Variants in USP39 observed in about 807,000 individuals in gnomAD.
USP39 encodes ubiquitin specific peptidase 39, also known as ubiquitin carboxyl-terminal hydrolase 39.
Under a neutral mutation model 66.4 loss-of-function variants are expected in USP39, and 38 were observed. The ratio of observed to expected loss-of-function variants is 0.57; its 90% confidence interval spans 0.44 to 0.75. The LOEUF (loss-of-function observed/expected upper bound fraction) is 0.75, where lower values mean the gene tolerates loss of function less well. USP39 is among the 30% of genes least tolerant of loss of function. The pLI, the probability that USP39 is intolerant of heterozygous loss-of-function variation, is 0.00. For missense variants in USP39, 608 were observed against 714.4 expected (o/e 0.85, Z 1.70); for synonymous variants, 303 against 274.6 (o/e 1.10, Z -1.02).
rs1558846192 is a variant in USP39, at chr2:85,616,470, G to A, written c.268+7G>A. 6.6e-7 allele frequency: 1 copy of A among 1,518,800 alleles called. No homozygotes were observed. The highest frequency in any genetic ancestry group is 2.5e-5 in the East Asian group (1 of 39,910). The allele number at this position is 1,518,800 out of a possible 1,614,324, so 94.1% of individuals were successfully genotyped here. A position where few individuals can be genotyped will look rare whatever the true frequency, so the allele number is the denominator to read the frequency against. On this transcript the variant is annotated splice_region_variant and intron_variant, in intron 1 of 12. Coordinates refer to ENST00000323701, the MANE Select transcript of USP39 (RefSeq NM_006590.4). Reference sequence around the variant, plus strand: ...CCTGAGCGGGAGGTGCGAGGTGCGCGGGGCCGGGCCGGGCTAGGCGCGAGA... The same window carrying A: ...CCTGAGCGGGAGGTGCGAGGTGCGCAGGGCCGGGCCGGGCTAGGCGCGAGA...
upstream of USP39, chr2:85,611,317 C>T: frequency 7.0e-7 from 1 of 1,424,064 alleles, no homozygotes; most frequent in African/African-American, 1.5e-5. Context: ...AGGCCATTTA[C>T]TGGGTTCATT....
chr2:85,606,203 C>T (rs56367745), intron 1 of USP39, among the ~76,000 whole-genome samples: 7,571 of 152,258 alleles, frequency 0.05, 224 homozygotes, highest in Middle Eastern at 0.1. Context: ...CCAATTACAT[C>T]GTATCTAGTC....
At chr2:85,611,750 C>T, upstream of USP39, 1 of 1,611,860 alleles carries the variant, frequency 6.2e-7, no homozygotes, top group South Asian at 1.1e-5. Flanking sequence ...TCACCTTCTC[C>T]TTGGCCGCCT....
In USP39 at chr2:85,616,474, C is replaced by T. The variant is rs1278228069; in HGVS notation, c.268+11C>T. ...AGCGGGAGGTGCGAGGTGCGCGGGG[C>T]CGGGCCGGGCTAGGCGCGAGAGCCT... On this transcript the variant is annotated intron_variant, in intron 1 of 12. Transcript: ENST00000323701. 2 of 1,497,794 alleles carry T rather than the reference C, an allele frequency of 1.3e-6. No homozygotes were observed. Among genetic ancestry groups the T allele is most frequent in the East Asian group, 2.6e-5 (1 of 38,620 alleles). The allele number at this position is 1,497,794 out of a possible 1,614,324, so 92.8% of individuals were successfully genotyped here.
chr2:85,611,253 T>C (rs1372883973), upstream of USP39: 2 of 1,354,598 alleles, frequency 1.5e-6, no homozygotes, highest in Non-Finnish European at 1.9e-6. Context: ...TTAACAAAAA[T>C]TGACCGTCAT....
rs190127837 is a variant in USP39 at position 85,646,619 on chromosome 2, C to T, written c.1564-1311C>T. Among the ~76,000 whole-genome samples, 19 of 152,302 alleles carry T rather than the reference C, an allele frequency of 1.2e-4. No individual in the cohort carries two copies. The East Asian group carries it at 3.7e-3, about 29-fold the overall frequency. ...GCTTTCCTTATGTTTCCTATATTCTCAACTATTGTAATATCCAGAGGATCT... is the reference window on the plus strand; with the variant it reads ...GCTTTCCTTATGTTTCCTATATTCTTAACTATTGTAATATCCAGAGGATCT... On this transcript the variant is annotated intron_variant, in intron 11 of 12. Transcript: ENST00000323701.
At chr2:85,612,418 CTGCCACT>C, upstream of USP39, 1 of 1,481,788 alleles carries the variant, frequency 6.7e-7, no homozygotes, top group Non-Finnish European at 9.1e-7. Context: ...CTGTGTAACG[CTGCCACT>C]TCTCAGTTTC....
At chr2:85,631,692 C>A (rs1675351056) in intron 6 of USP39, among the ~76,000 whole-genome samples, 3 of 152,152 alleles carry the variant, frequency 2.0e-5, no homozygotes, top group Admixed American at 2.0e-4. Flanking sequence ...CACCTATCTT[C>A]ATTCTTTCGT....
At chr2:85,646,201 T>C (rs1295120612) in intron 11 of USP39, 1 of 152,194 alleles carries the variant, frequency 6.6e-6, no homozygotes, top group Admixed American at 6.5e-5. Flanking sequence ...TTAAAAATGT[T>C]GTGGATTTGT....
chr2:85,616,154 C>T, upstream of USP39: 1 of 1,397,302 alleles, frequency 7.2e-7, no homozygotes, highest in South Asian at 1.7e-5. Flanking sequence ...CGCGCTCGAG[C>T]GTGCTTGGCG....
At chr2:85,638,592 G>A (rs1308153434) in intron 8 of USP39, among the ~76,000 whole-genome samples, 1 of 152,054 alleles carries the variant, frequency 6.6e-6, no homozygotes, top group African/African-American at 2.4e-5. Context: ...AGGCTGGAGT[G>A]CAATGGCACT....
chr2:85,627,140 A>AGGAATGGTGAT (rs1284118224), intron 5 of USP39, among the ~76,000 whole-genome samples: 2 of 151,946 alleles, frequency 1.3e-5, no homozygotes, highest in Non-Finnish European at 2.9e-5. Flanking sequence ...TCTGTCACCC[A>AGGAATGGTGAT]GGCTGGAATG....
chr2:85,629,978 A>T (rs1036421529), intron 5 of USP39, among the ~76,000 whole-genome samples: 1 of 151,922 alleles, frequency 6.6e-6, no homozygotes, highest in Non-Finnish European at 1.5e-5. Context: ...TAAAAAAAAA[A>T]TTTCAGTAGG....
intron 2 of USP39, 144 bp downstream of exon 2, chr2:85,619,433 C>G (rs1161142861): frequency 2.6e-6 from 2 of 777,232 alleles, no homozygotes; most frequent in East Asian, 5.4e-5. Flanking sequence ...CCATGTTACT[C>G]CTTATTCTTT....
At chr2:85,612,274 C>T, upstream of USP39, 3 of 1,513,636 alleles carry the variant, frequency 2.0e-6, no homozygotes, top group Non-Finnish European at 2.7e-6. Flanking sequence ...CTTCGGCTTA[C>T]AGCTGATACC....
intron 1 of USP39, among the ~76,000 whole-genome samples, chr2:85,605,782 C>G (rs1034813438): frequency 5.9e-5 from 9 of 152,216 alleles, no homozygotes; most frequent in Admixed American, 5.2e-4. Context: ...AGGGGTTCCT[C>G]CCACCTGGAT....
At chr2:85,629,863 T>C (rs924283537) in intron 5 of USP39, among the ~76,000 whole-genome samples, 1 of 151,940 alleles carries the variant, frequency 6.6e-6, no homozygotes, top group African/African-American at 2.4e-5. Flanking sequence ...CATGGTGGCT[T>C]AGGCATGAGA....
At chr2:85,635,993 GTT>G (rs879016710) in intron 6 of USP39, 58 bp from the exon 7 acceptor site, 177,240 of 1,552,110 alleles carry the variant, frequency 0.11, 10,891 homozygotes, top group South Asian at 0.18. Context: ...CCAGTGCATG[GTT>G]TAAGTTAACT....
intron 6 of USP39, among the ~76,000 whole-genome samples, chr2:85,633,858 G>T (rs1471564227): frequency 2.0e-4 from 20 of 97,866 alleles, no homozygotes; most frequent in African/African-American, 4.0e-4. Flanking sequence ...TTTTTTTTGA[G>T]ACAGAGTCTC....
Sources: allele counts gnomAD v4.1 joint callset (sites outside exome capture counted in the v4.1 genomes callset), GRCh38; gene constraint gnomAD v4.1.1; transcripts MANE v1.5; gene names NCBI Gene and HGNC (gene_info 2026-07-23, HGNC 2026-07-21).